TMPRSS3: variants seen among roughly 807,000 people sequenced by gnomAD.
TMPRSS3 encodes transmembrane protease serine 3.
TMPRSS3 carries 55 observed loss-of-function variants against 59.6 expected under a neutral mutation model. The observed-to-expected ratio is 0.92, with a 90% CI of 0.74 to 1.16. The LOEUF (loss-of-function observed/expected upper bound fraction) is 1.16. TMPRSS3 is among the 50% of genes most tolerant of loss of function. The pLI, the probability that TMPRSS3 is intolerant of heterozygous loss-of-function variation, is 0.00. For missense variants in TMPRSS3, 596 were observed against 579.4 expected (o/e 1.03, Z -0.29); for synonymous variants, 257 against 237.7 (o/e 1.08, Z -0.75).
At position 42,384,030 on chromosome 21, in the gene TMPRSS3, G is replaced by C; in HGVS notation, c.573-17C>G. The stretch of plus-strand genomic sequence containing the variant: ...CATCCCTCCCTAAAGCGGAGAAAAA[G>C]TAGGCTCTGTGAAAAATGCCCCAGA... On this transcript the variant is annotated splice_polypyrimidine_tract_variant and intron_variant, in intron 6 of 12. Coordinates refer to ENST00000644384, the MANE Select transcript of TMPRSS3 (RefSeq NM_001256317.3). The C allele has an allele frequency of 6.2e-7, 1 of 1,613,612 alleles. No homozygotes were observed.
At chr21:42,383,945 A>G in intron 7 of TMPRSS3, 25 bp downstream of exon 7, 1 of 1,613,630 alleles carries the variant, frequency 6.2e-7, no homozygotes, top group Non-Finnish European at 8.5e-7. Context: ...CTCCCCCTGG[A>G]CCCCTGCCTT....
Position 42,383,965 on chromosome 21 carries a change from C to A in TMPRSS3, c.616+5G>T. On this transcript the variant is annotated splice_donor_5th_base_variant and intron_variant, in intron 7 of 12. Transcript: ENST00000644384. Reference sequence around the variant, plus strand: ...CCTGGACCCCTGCCTTTCTGGAACTCTTACCTGTGCACTGCAAGGTAACCA... The same window carrying A: ...CCTGGACCCCTGCCTTTCTGGAACTATTACCTGTGCACTGCAAGGTAACCA... 1.2e-6 allele frequency: 2 copies of A among 1,614,070 alleles called. No individual in the cohort carries two copies. Among genetic ancestry groups the A allele is most frequent in the South Asian group, 1.1e-5 (1 of 91,080 alleles).
At chr21:42,383,482 C>T in intron 7 of TMPRSS3, 1 of 559,138 alleles carries the variant, frequency 1.8e-6, no homozygotes, top group South Asian at 2.0e-5. Flanking sequence ...CATCCTATTC[C>T]CCCAGTGATG....
rs377531325 is a variant in TMPRSS3 at position 42,375,810 on chromosome 21, G to C, written c.1250C>G (p.Ala417Gly). The C allele has an allele frequency of 6.2e-7, 1 of 1,613,790 alleles. No homozygotes were observed. The highest frequency in any genetic ancestry group is 8.5e-7 in the Non-Finnish European group (1 of 1,179,994). The change falls in exon 12 of 13, where the codon GCG becomes GGG. Residue 417 changes from alanine to glycine, a missense_variant. By Grantham distance (60) the Ala-to-Gly change is moderately conservative (BLOSUM62 0). Coordinates refer to ENST00000644384, the MANE Select transcript of TMPRSS3 (RefSeq NM_001256317.3). ...QERRLWKLVGATSFGIGCAEV... is the reference protein window; with the variant it reads ...QERRLWKLVGGTSFGIGCAEV... ...TGCGCAGCCGATGCCAAAGCTGGTC[G>C]CTCCCACTAACTTCCACAGCCTCCT...
intron 9 of TMPRSS3, 103 bp downstream of exon 9, chr21:42,381,962 C>G (rs903639489): frequency 7.0e-7 from 1 of 1,421,052 alleles, no homozygotes; most frequent in African/African-American, 1.4e-5. Context: ...TAATATCTGA[C>G]AAGGATTATA....
At chr21:42,395,084 C>A (rs73372255) in intron 2 of TMPRSS3, among the ~76,000 whole-genome samples, 1 of 152,214 alleles carries the variant, frequency 6.6e-6, no homozygotes, top group East Asian at 1.9e-4. Context: ...TCTCTGAAAA[C>A]CTCCAACAAG....
intron 2 of TMPRSS3, among the ~76,000 whole-genome samples, chr21:42,393,149 C>T (rs899593054): frequency 6.6e-6 from 1 of 151,976 alleles, no homozygotes; most frequent in Non-Finnish European, 1.5e-5. Context: ...GAGGCCGAGG[C>T]AAGAGAATCG....
At position 42,376,576 on chromosome 21, in the gene TMPRSS3, C is replaced by T. The variant is rs781376204; in HGVS notation, c.1156G>A (p.Ala386Thr). ...TCCACGCCACCCGTCAGGTAGCCCG[C>T]GCAGAGCATGGAGGGGGAGATGATG... is the stretch of plus-strand genomic sequence containing the variant. ...GGIISPSMLC[A>T]GYLTGGVDSC... is the part of the protein sequence containing the mutation. Residue 386 changes from alanine (A) to threonine (T), a missense_variant, in exon 11 of 13, where the codon GCG becomes ACG. Transcript: ENST00000644384. The T allele has an allele frequency of 1.3e-5, 21 of 1,613,688 alleles. No homozygotes were observed. The East Asian group carries it at 1.6e-4, about 12-fold the overall frequency.
At chr21:42,386,208 C>T (rs1334742351) in intron 5 of TMPRSS3, among the ~76,000 whole-genome samples, 1 of 152,180 alleles carries the variant, frequency 6.6e-6, no homozygotes, top group Non-Finnish European at 1.5e-5. Context: ...CCATGTTCTC[C>T]TTCCCTTGTG....
intron 7 of TMPRSS3, 111 bp from the exon 8 acceptor site, chr21:42,383,309 C>A: frequency 2.6e-6 from 3 of 1,157,170 alleles, no homozygotes; most frequent in East Asian, 2.5e-5. Flanking sequence ...CCCCTGCTCC[C>A]AGAGCTCACA....
rs1198712978 is a variant in TMPRSS3 at position 42,388,161 on chromosome 21, C to G, written c.446+242G>C. Among the ~76,000 whole-genome samples the G allele has an allele frequency of 6.6e-6, 1 of 152,220 alleles. No individual in the cohort carries two copies. The highest frequency in any genetic ancestry group is 1.5e-5 in the Non-Finnish European group (1 of 68,040). ...GCATGTTCGTATCTCCGATCCTGGC[C>G]TGGCCCTGGGAACCCCCAAACATGC... On this transcript the variant is annotated intron_variant, in intron 5 of 12. Coordinates refer to ENST00000644384, the MANE Select transcript of TMPRSS3 (RefSeq NM_001256317.3). This position sits in a 1 kb window ranked among gnomAD's most constrained non-coding sequence, Gnocchi z 5.1.
chr21:42,395,425 A>C lies in TMPRSS3; in HGVS notation c.-8T>G. The C allele has an allele frequency of 1.2e-6, 2 of 1,613,470 alleles. No homozygotes were observed. The highest frequency in any genetic ancestry group is 1.7e-6 in the Non-Finnish European group (2 of 1,179,414). On this transcript the variant is annotated 5_prime_UTR_variant, in exon 2 of 13. The change abolishes the stop of an existing upstream ORF in the 5' untranslated region. Coordinates refer to ENST00000644384, the MANE Select transcript of TMPRSS3 (RefSeq NM_001256317.3). The stretch of plus-strand genomic sequence containing the variant: ...CGGATCATTTTCCCCCATGGTGACT[A>C]TTTCAGGACCTCTGACATCCGGCTC...
intron 2 of TMPRSS3, among the ~76,000 whole-genome samples, chr21:42,392,927 C>T (rs920123300): frequency 3.9e-5 from 6 of 152,260 alleles, no homozygotes; most frequent in South Asian, 2.1e-4. Flanking sequence ...AGGGGCCCCA[C>T]GCCTCCTCTG....
Position 42,383,952 on chromosome 21 carries a change from C to T in TMPRSS3, c.616+18G>A, listed in dbSNP as rs927598071. 3.7e-6 allele frequency: 6 copies of T among 1,613,980 alleles called. No homozygotes were observed. Among genetic ancestry groups the T allele is most frequent in the Non-Finnish European group, 5.1e-6 (6 of 1,179,912 alleles). On this transcript the variant is annotated intron_variant, in intron 7 of 12. Transcript: ENST00000644384. ...TGTGCTTGCTCCCCCTGGACCCCTGCCTTTCTGGAACTCTTACCTGTGCAC... is the reference window on the plus strand; with the variant it reads ...TGTGCTTGCTCCCCCTGGACCCCTGTCTTTCTGGAACTCTTACCTGTGCAC...
intron 2 of TMPRSS3, among the ~76,000 whole-genome samples, chr21:42,392,365 A>G (rs924024242): frequency 8.5e-5 from 13 of 152,114 alleles, no homozygotes; most frequent in Admixed American, 8.5e-4. Context: ...TGAGCAGGAG[A>G]TGGAGGAAGA....
At chr21:42,384,296 T>C (rs1345543824) in intron 6 of TMPRSS3, among the ~76,000 whole-genome samples, 3 of 152,178 alleles carry the variant, frequency 2.0e-5, no homozygotes, top group South Asian at 4.1e-4. Context: ...TGTAAGGAGA[T>C]ATATTCTATC....
rs1039486886 is a variant in TMPRSS3 at position 42,390,214 on chromosome 21, T to C, written c.95-177A>G. 14 of 638,846 alleles carry C rather than the reference T, an allele frequency of 2.2e-5. No individual in the cohort carries two copies. In the Admixed American group the frequency reaches 3.1e-4, roughly 14 times the overall value. The allele number at this position is 638,846 out of a possible 1,614,324, so 39.6% of individuals were successfully genotyped here. ...CCAAGGGGCACATTCTCTAGTTCAGTCCTACCTGCTCCACCTCTGACCCGG... is the reference window on the plus strand; with the variant it reads ...CCAAGGGGCACATTCTCTAGTTCAGCCCTACCTGCTCCACCTCTGACCCGG... On this transcript the variant is annotated intron_variant, in intron 2 of 12. Coordinates refer to ENST00000644384, the MANE Select transcript of TMPRSS3 (RefSeq NM_001256317.3).
chr21:42,380,478 G>A (rs1269450632), intron 9 of TMPRSS3, among the ~76,000 whole-genome samples: 1 of 152,166 alleles, frequency 6.6e-6, no homozygotes, highest in Non-Finnish European at 1.5e-5. Context: ...TTGTGGAAAG[G>A]GCTGAATAGT....
At chr21:42,385,327 C>A in intron 6 of TMPRSS3, 82 bp downstream of exon 6, 2 of 1,588,242 alleles carry the variant, frequency 1.3e-6, no homozygotes. Context: ...CCTCTTAAGT[C>A]CTTGTGGAGT....
Sources: allele counts gnomAD v4.1 joint callset (sites outside exome capture counted in the v4.1 genomes callset), GRCh38; gene constraint gnomAD v4.1.1; non-coding constraint Gnocchi (gnomAD v3.1); transcripts MANE v1.5; gene names NCBI Gene and HGNC (gene_info 2026-07-23, HGNC 2026-07-21).